Variants in LOC112694756 observed in about 807,000 individuals in gnomAD.
chr16:30,062,260 G>A, the LOC112694756 span, among the ~76,000 whole-genome samples: 4 of 152,244 alleles, frequency 2.6e-5, no homozygotes, highest in South Asian at 4.1e-4. Flanking sequence ...TTGATTGGGC[G>A]CAGTGGCGCA....
the LOC112694756 span, chr16:30,065,946 G>C: frequency 6.5e-6 from 1 of 153,078 alleles, no homozygotes; most frequent in African/African-American, 2.4e-5. Context: ...CCCTCTTCAC[G>C]TGCGGGGACC....
chr16:30,056,660 G>A, the LOC112694756 span, among the ~76,000 whole-genome samples: 1 of 152,074 alleles, frequency 6.6e-6, no homozygotes, highest in Non-Finnish European at 1.5e-5. Flanking sequence ...GAGTCTGGTG[G>A]TGCAATCATA....
the LOC112694756 span, chr16:30,064,303 G>GA: frequency 2.5e-6 from 1 of 398,158 alleles, no homozygotes; most frequent in Non-Finnish European, 4.4e-6. Flanking sequence ...GGGCTCCAGA[G>GA]AATCAGAACA....
At chr16:30,057,489 G>A in the LOC112694756 span, among the ~76,000 whole-genome samples, 2 of 152,162 alleles carry the variant, frequency 1.3e-5, no homozygotes, top group East Asian at 3.9e-4. Context: ...CCACCGTCCT[G>A]AGGAATGATT....
chr16:30,053,404 T>C, the LOC112694756 span: 1 of 152,422 alleles, frequency 6.6e-6, no homozygotes, highest in East Asian at 1.9e-4. Flanking sequence ...GGAAGGAGGG[T>C]GGGCACCCCG....
chr16:30,066,475 C>T, the LOC112694756 span, among the ~76,000 whole-genome samples: 1 of 152,272 alleles, frequency 6.6e-6, no homozygotes, highest in Non-Finnish European at 1.5e-5. Flanking sequence ...TGCTCCTCCA[C>T]GTTCTTGCCC....
chr16:30,067,552 C>T, the LOC112694756 span: 4 of 1,613,914 alleles, frequency 2.5e-6, no homozygotes, highest in Admixed American at 5.0e-5. Context: ...CGCGTGAACC[C>T]CTGCATTGGG....
the LOC112694756 span, among the ~76,000 whole-genome samples, chr16:30,065,458 C>G: frequency 2.0e-5 from 3 of 152,360 alleles, no homozygotes; most frequent in South Asian, 6.2e-4. Flanking sequence ...CCGCCCTCCC[C>G]CATTGCCAAC....
chr16:30,054,252 A>G, the LOC112694756 span, among the ~76,000 whole-genome samples: 5 of 150,830 alleles, frequency 3.3e-5, no homozygotes, highest in Admixed American at 3.3e-4. Flanking sequence ...CCCGGGTGGC[A>G]GAGGTTGCAT....
At chr16:30,059,265 A>G in the LOC112694756 span, among the ~76,000 whole-genome samples, 1 of 152,024 alleles carries the variant, frequency 6.6e-6, no homozygotes, top group Admixed American at 6.6e-5. Flanking sequence ...TGGGAGGCCA[A>G]GGCGGGCAGA....
At chr16:30,069,057 G>T in the LOC112694756 span, 1 of 1,594,298 alleles carries the variant, frequency 6.3e-7, no homozygotes, top group African/African-American at 1.3e-5. Context: ...TACCTGCCAT[G>T]ATGCCTACCT....
chr16:30,066,422 C>T, the LOC112694756 span, among the ~76,000 whole-genome samples: 1 of 152,232 alleles, frequency 6.6e-6, no homozygotes, highest in African/African-American at 2.4e-5. Context: ...GGAACAGCTG[C>T]AGCCATGCGA....
At chr16:30,070,408 A>AG in the LOC112694756 span, 1 of 612,752 alleles carries the variant, frequency 1.6e-6, no homozygotes, top group Non-Finnish European at 2.9e-6. Flanking sequence ...CAGCTATTTA[A>AG]GGGGGAGTCG....
At chr16:30,058,712 G>T in the LOC112694756 span, among the ~76,000 whole-genome samples, 1 of 151,908 alleles carries the variant, frequency 6.6e-6, no homozygotes, top group African/African-American at 2.4e-5. Flanking sequence ...TTGATCTCCT[G>T]ACCTCGTGAT....
the LOC112694756 span, chr16:30,068,781 C>A: frequency 6.2e-7 from 1 of 1,614,234 alleles, no homozygotes. Flanking sequence ...CCACATGCCC[C>A]TCCCCACCGT....
At chr16:30,053,209 A>G in the LOC112694756 span, 1 of 152,396 alleles carries the variant, frequency 6.6e-6, no homozygotes, top group Non-Finnish European at 1.5e-5. Context: ...CCGCGGCCCG[A>G]GGGTGCAGGT....
the LOC112694756 span, chr16:30,065,776 GCCCCTTCC>G: frequency 2.6e-5 from 4 of 152,776 alleles, no homozygotes; most frequent in Non-Finnish European, 5.9e-5. Flanking sequence ...CTCCTGCGCC[GCCCCTTCC>G]GAGGCTAAAT....
At chr16:30,067,770 G>A in the LOC112694756 span, 2 of 1,306,288 alleles carry the variant, frequency 1.5e-6, no homozygotes, top group Non-Finnish European at 2.2e-6. Flanking sequence ...AGACTTGCAT[G>A]GAGCCTGCTT....
chr16:30,069,827 C>CA, the LOC112694756 span: 39 of 1,614,008 alleles, frequency 2.4e-5, no homozygotes, highest in Admixed American at 5.0e-5. Context: ...CCCTGCTCTA[C>CA]AGGGATCACC....
Sources: gnomAD v4.1 joint callset for allele counts (sites outside exome capture counted in the v4.1 genomes callset) on GRCh38, gnomAD v4.1.1 for gene constraint, MANE v1.5 for transcripts.